The following SDK1 variants were observed in gnomAD, a reference collection of about 807,000 sequenced individuals.
SDK1 encodes protein sidekick-1.
SDK1 carries 157 observed loss-of-function variants against 245.5 expected under a neutral mutation model. The ratio of observed to expected loss-of-function variants is 0.64; its 90% CI spans 0.56 to 0.73. The LOEUF is 0.73. SDK1 is among the 30% of genes least tolerant of loss of function. The pLI, the probability that SDK1 is intolerant of heterozygous loss-of-function variation, is 0.00. For synonymous variants in SDK1, 1,647 were observed against 1,278.5 expected, an observed-to-expected ratio of 1.29 and a Z score of -6.15; for missense variants, 3,583 against 3,002.3, an observed-to-expected ratio of 1.19 and a Z score of -4.52.
At chr7:3,342,126 A>G (rs113019956) in intron 1 of SDK1, among the ~76,000 whole-genome samples, 23 of 152,334 alleles carry the variant, frequency 1.5e-4, no homozygotes, top group Admixed American at 5.2e-4. Context: ...GACAAAGGTG[A>G]AAAAGCAATT....
At chr7:3,881,956 C>T (rs1397221932) in intron 5 of SDK1, among the ~76,000 whole-genome samples, 1 of 152,104 alleles carries the variant, frequency 6.6e-6, no homozygotes, top group Non-Finnish European at 1.5e-5. Context: ...CTGATAAAGA[C>T]ATACCTGAGA....
rs945768675 is a variant in SDK1, at chr7:3,888,489, T to C, written c.848-62434T>C. 2.0e-5 allele frequency among the ~76,000 whole-genome samples: 3 copies of C among 152,220 alleles called. No homozygotes were observed. The East Asian group carries it at 5.8e-4, about 29-fold the overall frequency. On this transcript the variant is annotated intron_variant, in intron 5 of 44. Coordinates refer to ENST00000404826, the MANE Select transcript of SDK1 (RefSeq NM_152744.4). ...CCCTTGAGGACCAAAAGAGAAAATA[T>C]ATTCAGTAAATCAATGGTGATGCGT...
At chr7:3,541,469 C>A (rs752288197) in intron 1 of SDK1, among the ~76,000 whole-genome samples, 2 of 152,218 alleles carry the variant, frequency 1.3e-5, no homozygotes, top group South Asian at 4.1e-4. Flanking sequence ...CATTCCCAAC[C>A]TCTTTTCCTT....
chr7:3,608,574 C>G (rs755206944), intron 1 of SDK1, among the ~76,000 whole-genome samples: 1 of 152,140 alleles, frequency 6.6e-6, no homozygotes, highest in Admixed American at 6.5e-5. Context: ...GACACTTTCG[C>G]ATTATTTAAG....
chr7:3,344,102 T>G (rs1459448065), intron 1 of SDK1, among the ~76,000 whole-genome samples: 2 of 152,042 alleles, frequency 1.3e-5, no homozygotes, highest in East Asian at 3.9e-4. Flanking sequence ...AGGAATATTT[T>G]GTACCAAAGC....
At chr7:3,325,791 C>A (rs1779926277) in intron 1 of SDK1, among the ~76,000 whole-genome samples, 1 of 152,100 alleles carries the variant, frequency 6.6e-6, no homozygotes, top group African/African-American at 2.4e-5. Flanking sequence ...TGTTGAATTT[C>A]TCTGACATTC....
intron 1 of SDK1, among the ~76,000 whole-genome samples, chr7:3,332,807 T>C (rs1238236376): frequency 2.6e-5 from 4 of 152,208 alleles, no homozygotes; most frequent in Admixed American, 6.5e-5. Flanking sequence ...GAAAATATTT[T>C]TGGTAAATCT....
chr7:3,676,541 G>A (rs917648201), intron 4 of SDK1, among the ~76,000 whole-genome samples: 2 of 151,918 alleles, frequency 1.3e-5, no homozygotes, highest in Admixed American at 6.6e-5. Flanking sequence ...TAGCCGGGAT[G>A]GTCTCAATCT....
chr7:3,339,602 A>T (rs1780291427), intron 1 of SDK1, among the ~76,000 whole-genome samples: 1 of 152,154 alleles, frequency 6.6e-6, no homozygotes, highest in Non-Finnish European at 1.5e-5. Flanking sequence ...CAAACTAAAA[A>T]TAGTAAAGGC....
chr7:4,067,343 C>T (rs1779971312), intron 19 of SDK1, among the ~76,000 whole-genome samples: 1 of 152,188 alleles, frequency 6.6e-6, no homozygotes. Context: ...CCTCTGGAAT[C>T]CTTCAGGATA....
chr7:3,319,257 C>A (rs1779735557), intron 1 of SDK1, among the ~76,000 whole-genome samples: 1 of 152,044 alleles, frequency 6.6e-6, no homozygotes, highest in African/African-American at 2.4e-5. Flanking sequence ...GTGGGAAGCC[C>A]CCACCCTTTT....
At chr7:3,579,852 A>G (rs1168037731) in intron 1 of SDK1, among the ~76,000 whole-genome samples, 4 of 152,218 alleles carry the variant, frequency 2.6e-5, no homozygotes, top group Middle Eastern at 3.2e-3. Context: ...ACATAAAAAA[A>G]CTGGGTAAAG....
chr7:4,076,899 C>T, intron 20 of SDK1, 99 bp from the exon 21 acceptor site: 1 of 1,048,984 alleles, frequency 9.5e-7, no homozygotes, highest in Non-Finnish European at 1.4e-6. Flanking sequence ...TCCAGCCAAG[C>T]TCTCCATAGC....
At chr7:4,198,853 G>A (rs1471746045) in intron 35 of SDK1, among the ~76,000 whole-genome samples, 16 of 143,974 alleles carry the variant, frequency 1.1e-4, no homozygotes, top group Admixed American at 2.9e-4. Context: ...TTGCTTTGTC[G>A]CCCAGGCTGG....
intron 5 of SDK1, among the ~76,000 whole-genome samples, chr7:3,912,728 G>A (rs1024967099): frequency 1.2e-4 from 18 of 152,344 alleles, no homozygotes; most frequent in African/African-American, 2.9e-4. Context: ...AGACCGGCAC[G>A]GTCTGGCCCG....
chr7:3,328,161 T>C (rs1351835546), intron 1 of SDK1, among the ~76,000 whole-genome samples: 3 of 152,172 alleles, frequency 2.0e-5, no homozygotes, highest in Admixed American at 6.5e-5. Flanking sequence ...GTAGTTGAAA[T>C]ATTATAACTG....
intron 4 of SDK1, among the ~76,000 whole-genome samples, chr7:3,815,021 A>G (rs61580271): frequency 0.12 from 16,539 of 141,460 alleles, 1,342 homozygotes; most frequent in African/African-American, 0.28. Flanking sequence ...GGGCTGAGAC[A>G]ATGGGGTTTT....
chr7:3,465,476 G>T (rs1780970287), intron 1 of SDK1, among the ~76,000 whole-genome samples: 2 of 152,186 alleles, frequency 1.3e-5, no homozygotes, highest in South Asian at 4.1e-4. Flanking sequence ...ATACTCTCTT[G>T]TGCCTCACAT....
chr7:3,730,770 A>G (rs1779153121), intron 4 of SDK1, among the ~76,000 whole-genome samples: 1 of 152,184 alleles, frequency 6.6e-6, no homozygotes, highest in Admixed American at 6.5e-5. Flanking sequence ...AGCCTCAGAC[A>G]TAGCAAGAGG....
Sources: allele counts gnomAD v4.1 joint callset (sites outside exome capture counted in the v4.1 genomes callset), GRCh38; gene constraint gnomAD v4.1.1; transcripts MANE v1.5; gene names NCBI Gene and HGNC (gene_info 2026-07-23, HGNC 2026-07-21).